Variants in NFYA observed in about 807,000 individuals in gnomAD.
NFYA encodes the protein CAAT-box DNA binding protein subunit A.
NFYA carries 28 observed loss-of-function variants against 52.8 expected under a neutral mutation model. The ratio of observed to expected loss-of-function variants is 0.53; its 90% confidence interval spans 0.39 to 0.73. The LOEUF is 0.73. NFYA is among the 30% of genes least tolerant of loss of function. The pLI is 0.00. For synonymous variants in NFYA, 150 were observed against 150.7 expected (o/e 1.00, Z 0.03); for missense variants, 234 against 427.0 (o/e 0.55, Z 3.98).
In NFYA at chr6:41,098,645, A is replaced by G. The variant is rs1764423689; in HGVS notation, c.*1235A>G. 6.5e-6 allele frequency: 1 copy of G among 152,730 alleles called. No homozygotes were observed. The highest frequency in any genetic ancestry group is 1.5e-5 in the Non-Finnish European group (1 of 68,108). The allele number at this position is 152,730 out of a possible 1,614,324, so 9.5% of individuals were successfully genotyped here. On this transcript the variant is annotated 3_prime_UTR_variant, in exon 10 of 10. Coordinates refer to ENST00000341376, the MANE Select transcript of NFYA (RefSeq NM_002505.5). Reference sequence around the variant, plus strand: ...ATGTTGGCTTCACTCCTGCAGCACAATGCTGGCCCTAGAAAGCGAGCATTT... The same window carrying G: ...ATGTTGGCTTCACTCCTGCAGCACAGTGCTGGCCCTAGAAAGCGAGCATTT...
At chr6:41,088,423 CAAAAAAAAAAAAAA>C (rs34590854) in intron 4 of NFYA, among the ~76,000 whole-genome samples, 1 of 64,712 alleles carries the variant, frequency 1.5e-5, no homozygotes, top group Non-Finnish European at 3.0e-5. Context: ...ACTCCGTCTC[CAAAAAAAAAAAAAA>C]AAAAAAAATT....
rs1764396394 is a variant in NFYA, at chr6:41,097,553, A to G, written c.*143A>G. 2 of 793,058 alleles carry G rather than the reference A, an allele frequency of 2.5e-6. No individual in the cohort carries two copies. The highest frequency in any genetic ancestry group is 4.1e-6 in the Non-Finnish European group (2 of 493,720). The allele number at this position is 793,058 out of a possible 1,614,324, so 49.1% of individuals were successfully genotyped here. ...CCACTTAGTTTTTAATAAGTGGCTC[A>G]GTATTACAATTGCAGCGATGCCTGG... On this transcript the variant is annotated 3_prime_UTR_variant, in exon 10 of 10. Coordinates refer to ENST00000341376, the MANE Select transcript of NFYA (RefSeq NM_002505.5).
At chr6:41,085,188 A>C (rs1238187581) in intron 4 of NFYA, among the ~76,000 whole-genome samples, 1 of 152,236 alleles carries the variant, frequency 6.6e-6, no homozygotes, top group African/African-American at 2.4e-5. Context: ...AATACAATGA[A>C]TATTTGAGCT....
At chr6:41,075,956 A>G (rs775168223) in intron 1 of NFYA, among the ~76,000 whole-genome samples, 1 of 152,220 alleles carries the variant, frequency 6.6e-6, no homozygotes, top group Non-Finnish European at 1.5e-5. Flanking sequence ...AGAGAAGTGC[A>G]TTAGAAAGCT....
chr6:41,073,946 T>C (rs747572797), intron 1 of NFYA, among the ~76,000 whole-genome samples: 10 of 152,240 alleles, frequency 6.6e-5, no homozygotes, highest in Non-Finnish European at 1.5e-4. Context: ...GTCCGGGCTG[T>C]AAGACCAGTC....
At chr6:41,086,434 T>C (rs1764045574) in intron 4 of NFYA, among the ~76,000 whole-genome samples, 1 of 152,148 alleles carries the variant, frequency 6.6e-6, no homozygotes, top group Non-Finnish European at 1.5e-5. Flanking sequence ...CTGAAAAAAA[T>C]ATATTCTGTT....
At chr6:41,088,423 C>CA (rs34590854) in intron 4 of NFYA, among the ~76,000 whole-genome samples, 4,335 of 64,040 alleles carry the variant, frequency 0.068, 121 homozygotes, top group Middle Eastern at 0.088. Context: ...ACTCCGTCTC[C>CA]AAAAAAAAAA....
chr6:41,090,521 G>A (rs1418416948), intron 6 of NFYA, among the ~76,000 whole-genome samples: 2 of 152,174 alleles, frequency 1.3e-5, no homozygotes, highest in Non-Finnish European at 1.5e-5. Flanking sequence ...TTCTATAGTG[G>A]TTGCTAATCT....
At chr6:41,087,402 G>C (rs977209444) in intron 4 of NFYA, among the ~76,000 whole-genome samples, 3 of 152,050 alleles carry the variant, frequency 2.0e-5, no homozygotes, top group Admixed American at 1.3e-4. Context: ...GGTAGACTTT[G>C]TGATAACTTA....
At chr6:41,081,031 T>G in intron 3 of NFYA, 134 bp downstream of exon 3, 1 of 634,740 alleles carries the variant, frequency 1.6e-6, no homozygotes, top group Non-Finnish European at 2.8e-6. Context: ...AACTTGTCTT[T>G]GAGGCTTATA....
At chr6:41,096,703 T>C (rs1764365737) in intron 9 of NFYA, among the ~76,000 whole-genome samples, 2 of 152,206 alleles carry the variant, frequency 1.3e-5, no homozygotes, top group South Asian at 4.1e-4. Flanking sequence ...TTGCGGAGTG[T>C]TGCAAAAAGC....
chr6:41,091,970 G>A (rs1054856506), intron 7 of NFYA, among the ~76,000 whole-genome samples: 18 of 152,232 alleles, frequency 1.2e-4, no homozygotes, highest in African/African-American at 3.6e-4. Context: ...TTCAAATAAC[G>A]AAGGGAATTA....
intron 9 of NFYA, among the ~76,000 whole-genome samples, chr6:41,095,882 A>G (rs914257959): frequency 6.6e-6 from 1 of 152,262 alleles, no homozygotes; most frequent in East Asian, 1.9e-4. Context: ...GTATTTAAGT[A>G]CTGACTTAGA....
chr6:41,084,382 G>A (rs900505320), intron 4 of NFYA, among the ~76,000 whole-genome samples, 190 bp downstream of exon 4: 1 of 152,198 alleles, frequency 6.6e-6, no homozygotes, highest in African/African-American at 2.4e-5. Flanking sequence ...GACAGCTCCA[G>A]TAATGACTAA....
chr6:41,086,505 A>C (rs1764047691), intron 4 of NFYA, among the ~76,000 whole-genome samples: 1 of 151,146 alleles, frequency 6.6e-6, no homozygotes, highest in Admixed American at 6.6e-5. Flanking sequence ...TAAGGCTTTA[A>C]TCCCCTTTGT....
At chr6:41,074,497 T>C in intron 1 of NFYA, among the ~76,000 whole-genome samples, 1 of 152,232 alleles carries the variant, frequency 6.6e-6, no homozygotes, top group Non-Finnish European at 1.5e-5. Context: ...GTGAAAGGCT[T>C]ATCACCACCG....
chr6:41,084,109 C>T lies in NFYA; in HGVS notation c.226C>T (p.Pro76Ser), dbSNP rs1020519086. The change falls in exon 4 of 10, where the codon CCC becomes TCC. Residue 76 changes from proline (P) to serine (S), a missense_variant. Pro to Ser is a moderately conservative substitution (Grantham distance 74). This residue lies in a region of NFYA where 118 missense variants were observed against 182.4 expected (regional missense o/e 0.65). Transcript: ENST00000341376. Reference sequence around the variant, plus strand: ...CCAGCTAATCACATCAACTGGCCAACCCATCATGGTCCAGGCTGTCCCTGG... The same window carrying T: ...CCAGCTAATCACATCAACTGGCCAATCCATCATGGTCCAGGCTGTCCCTGG... ...GGQLITSTGQ[P>S]IMVQAVPGGQ... 4.3e-6 allele frequency: 7 copies of T among 1,614,052 alleles called. No homozygotes were observed. Among genetic ancestry groups the T allele is most frequent in the Non-Finnish European group, 5.9e-6 (7 of 1,180,024 alleles).
At chr6:41,091,846 C>T (rs181286180) in intron 7 of NFYA, 152 bp downstream of exon 7, 1 of 856,196 alleles carries the variant, frequency 1.2e-6, no homozygotes, top group African/African-American at 1.7e-5. Context: ...TTATGACAAA[C>T]CATAATTCAT....
chr6:41,100,978 T>TGCTACGCGGCTGGGCC lies in NFYA; in HGVS notation c.*3569_*3584dup, dbSNP rs896399409. ...AATAGAGCCTGCTAGGCGGATTGGC[T>TGCTACGCGGCTGGGCC]GCTACGCGGCTGGGCCCTGTTTCCG... On this transcript the variant is annotated 3_prime_UTR_variant, in exon 10 of 10. Transcript: ENST00000341376. The TGCTACGCGGCTGGGCC allele has an allele frequency of 3.9e-5, 6 of 152,204 alleles. No homozygotes were observed. The highest frequency in any genetic ancestry group is 5.9e-5 in the Non-Finnish European group (4 of 68,058). 9.4% of individuals were successfully genotyped at this position (152,204 alleles called of 1,614,324 possible).
Sources: allele counts gnomAD v4.1 joint callset (sites outside exome capture counted in the v4.1 genomes callset), GRCh38; gene constraint gnomAD v4.1.1; regional missense constraint gnomAD v4.1.1; transcripts MANE v1.5; gene names NCBI Gene and HGNC (gene_info 2026-07-23, HGNC 2026-07-21).